The following PTPRN2 variants were observed in gnomAD, a reference collection of about 807,000 sequenced individuals.
PTPRN2 encodes the protein protein tyrosine phosphatase receptor type N2, also known as receptor-type tyrosine-protein phosphatase N2.
Under a neutral mutation model 118.8 loss-of-function variants are expected in PTPRN2, and 74 were observed. That is an observed-to-expected ratio of 0.62 (90% CI 0.52 to 0.76). The LOEUF is 0.76. PTPRN2 is among the 30% of genes least tolerant of loss of function. PTPRN2 has a pLI of 0.00. For missense variants in PTPRN2, 1,481 were observed against 1,394.4 expected (o/e 1.06, Z -0.99); for synonymous variants, 641 against 608.0 (o/e 1.05, Z -0.80).
At chr7:157,793,043 C>CT (rs1031630305) in intron 12 of PTPRN2, among the ~76,000 whole-genome samples, 3 of 152,032 alleles carry the variant, frequency 2.0e-5, no homozygotes, top group African/African-American at 4.8e-5. Flanking sequence ...TCTTGTAAGG[C>CT]TTTTTTTCAG....
chr7:158,071,830 C>CGTG (rs565293850), intron 11 of PTPRN2, among the ~76,000 whole-genome samples: 3 of 54,634 alleles, frequency 5.5e-5, no homozygotes, highest in African/African-American at 9.8e-5. Context: ...TGGAGGTGCC[C>CGTG]GTGGTGGAGG....
chr7:157,984,816 C>T (rs1294728711), intron 11 of PTPRN2, among the ~76,000 whole-genome samples: 1 of 152,278 alleles, frequency 6.6e-6, no homozygotes, highest in Admixed American at 6.5e-5. Context: ...CAGGACGTGG[C>T]GAGCCCAATA....
chr7:158,250,524 C>A (rs749916683), intron 3 of PTPRN2, among the ~76,000 whole-genome samples: 6 of 152,168 alleles, frequency 3.9e-5, no homozygotes, highest in South Asian at 2.1e-4. Context: ...CATGTACACA[C>A]CCATGTACAC....
intron 3 of PTPRN2, among the ~76,000 whole-genome samples, chr7:158,294,624 C>A (rs1800337631): frequency 6.6e-6 from 1 of 152,144 alleles, no homozygotes; most frequent in South Asian, 2.1e-4. Flanking sequence ...AGAGGCAGGG[C>A]TGAGCCAGGC....
At chr7:157,961,649 C>T (rs772009551) in intron 11 of PTPRN2, among the ~76,000 whole-genome samples, 17 of 152,254 alleles carry the variant, frequency 1.1e-4, no homozygotes, top group Non-Finnish European at 1.6e-4. Flanking sequence ...CATTTAATAA[C>T]GGTGTAATCT....
intron 2 of PTPRN2, among the ~76,000 whole-genome samples, chr7:158,357,404 G>A (rs1026645188): frequency 6.6e-5 from 10 of 152,228 alleles, no homozygotes; most frequent in Non-Finnish European, 1.0e-4. Context: ...GTGACAGGAG[G>A]TGCCTCCATC....
intron 2 of PTPRN2, among the ~76,000 whole-genome samples, chr7:158,340,701 G>C (rs1260324531): frequency 2.5e-5 from 2 of 81,462 alleles, no homozygotes; most frequent in Non-Finnish European, 5.2e-5. Context: ...GGTGAAACCT[G>C]CAGACGTCAC....
intron 14 of PTPRN2, among the ~76,000 whole-genome samples, chr7:157,650,735 G>T (rs143799318): frequency 1.4e-3 from 213 of 152,362 alleles, no homozygotes; most frequent in African/African-American, 4.9e-3. Flanking sequence ...GCCTGCCAAG[G>T]CCCCGGCACT....
intron 2 of PTPRN2, among the ~76,000 whole-genome samples, chr7:158,340,572 C>A (rs1224689249): frequency 1.8e-4 from 22 of 122,064 alleles, no homozygotes; most frequent in African/African-American, 6.3e-4. Flanking sequence ...CACAATCTCA[C>A]CATAAGAGCC....
intron 12 of PTPRN2, among the ~76,000 whole-genome samples, chr7:157,740,008 C>A (rs564840585): frequency 2.2e-4 from 34 of 152,350 alleles, no homozygotes; most frequent in African/African-American, 7.9e-4. Flanking sequence ...CCACTTTTAG[C>A]ACAGCTGGAT....
chr7:157,991,401 C>T (rs1804241470), intron 11 of PTPRN2, among the ~76,000 whole-genome samples: 1 of 152,254 alleles, frequency 6.6e-6, no homozygotes, highest in South Asian at 2.1e-4. Flanking sequence ...TGTTATGAAC[C>T]CAATGCCGTG....
chr7:158,569,030 A>C (rs1049499867), intron 1 of PTPRN2, among the ~76,000 whole-genome samples: 3 of 152,136 alleles, frequency 2.0e-5, no homozygotes, highest in Non-Finnish European at 2.9e-5. Context: ...GGAGGCTGAG[A>C]CAGGAGAATC....
At chr7:158,532,665 G>A (rs1313763052) in intron 1 of PTPRN2, 1 of 521,530 alleles carries the variant, frequency 1.9e-6, no homozygotes, top group Non-Finnish European at 4.0e-6. Context: ...TGTGATTAGA[G>A]GAACAGCATG....
intron 22 of PTPRN2, among the ~76,000 whole-genome samples, chr7:157,547,113 G>A (rs1798360344): frequency 6.6e-6 from 1 of 152,206 alleles, no homozygotes; most frequent in Non-Finnish European, 1.5e-5. Flanking sequence ...AGAGGTGTGG[G>A]GAGGAAACTA....
At chr7:158,419,092 C>T (rs1309390446) in intron 2 of PTPRN2, among the ~76,000 whole-genome samples, 2 of 152,242 alleles carry the variant, frequency 1.3e-5, no homozygotes, top group African/African-American at 4.8e-5. Context: ...TTGTGCTTGA[C>T]TCTGACCCTC....
intron 10 of PTPRN2, among the ~76,000 whole-genome samples, chr7:158,107,069 C>T (rs567177747): frequency 1.2e-4 from 19 of 152,208 alleles, no homozygotes; most frequent in Admixed American, 4.6e-4. Flanking sequence ...CAAGGTGGTG[C>T]CAACATGCAC....
At chr7:157,788,202 C>T (rs1233199078) in intron 12 of PTPRN2, among the ~76,000 whole-genome samples, 8 of 151,960 alleles carry the variant, frequency 5.3e-5, no homozygotes, top group Non-Finnish European at 7.4e-5. Flanking sequence ...GGTGAAACTC[C>T]GTCTCTACTA....
intron 2 of PTPRN2, among the ~76,000 whole-genome samples, chr7:158,348,426 G>T (rs1807690222): frequency 4.3e-5 from 1 of 22,994 alleles, no homozygotes; most frequent in African/African-American, 2.6e-4. Flanking sequence ...AGCCACCCTG[G>T]GGTCCCCATT....
chr7:157,958,528 G>C (rs1300175256), intron 11 of PTPRN2, among the ~76,000 whole-genome samples: 4 of 152,184 alleles, frequency 2.6e-5, no homozygotes, highest in African/African-American at 7.2e-5. Flanking sequence ...AGATCTGTTA[G>C]AACTTAATAG....
Sources: gnomAD v4.1 joint callset for allele counts (sites outside exome capture counted in the v4.1 genomes callset) on GRCh38, gnomAD v4.1.1 for gene constraint, MANE v1.5 for transcripts, NCBI Gene and HGNC (gene_info 2026-07-23, HGNC 2026-07-21) for gene names.